Variants in SYT16 observed in about 807,000 individuals in gnomAD.
SYT16 encodes synaptotagmin 16, also known as synaptotagmin-16.
Under a neutral mutation model 61.4 loss-of-function variants are expected in SYT16, and 42 were observed. That is an observed-to-expected ratio of 0.68 (90% CI 0.53 to 0.89). The LOEUF (loss-of-function observed/expected upper bound fraction) is 0.89. Ranked by LOEUF, SYT16 falls within the 40% of genes least tolerant of loss-of-function variation. The pLI is 0.00. For synonymous variants in SYT16, 314 were observed against 302.3 expected, an observed-to-expected ratio of 1.04 and a Z score of -0.40; for missense variants, 804 against 807.3, an observed-to-expected ratio of 1.00 and a Z score of 0.05.
chr14:61,922,667 T>C (rs1280588586), intron 1 of SYT16, among the ~76,000 whole-genome samples: 3 of 152,174 alleles, frequency 2.0e-5, no homozygotes, highest in African/African-American at 7.2e-5. Flanking sequence ...TACAAACTTG[T>C]ACATGTGCCC....
chr14:62,074,337 T>G (rs1199452574), intron 4 of SYT16, among the ~76,000 whole-genome samples: 2 of 152,074 alleles, frequency 1.3e-5, no homozygotes, highest in African/African-American at 2.4e-5. Context: ...CAGGGAGGGT[T>G]TGAGGGGCAC....
chr14:61,995,544 G>A (rs140312556), intron 2 of SYT16, among the ~76,000 whole-genome samples: 16 of 151,994 alleles, frequency 1.1e-4, no homozygotes, highest in South Asian at 4.2e-4. Flanking sequence ...CCTTTTTTGC[G>A]TTTTGAAATG....
At chr14:61,944,366 G>A (rs529190732) in intron 1 of SYT16, among the ~76,000 whole-genome samples, 1 of 151,980 alleles carries the variant, frequency 6.6e-6, no homozygotes, top group Admixed American at 6.6e-5. Context: ...CTTTCTTCAC[G>A]GAATTAGAAA....
chr14:61,979,502 C>T lies in SYT16; in HGVS notation c.-145+9191C>T, dbSNP rs181836527. ...GCAGTGGCTTCCTTTTAGGCATGGC[C>T]TACTCAGATGAATCTTAAGTGAATC... On this transcript the variant is annotated intron_variant, in intron 2 of 7. Coordinates refer to ENST00000683842, the MANE Select transcript of SYT16 (RefSeq NM_001367656.1). Among the ~76,000 whole-genome samples the T allele has an allele frequency of 2.6e-5, 4 of 152,214 alleles. No homozygotes were observed. In the East Asian group the frequency reaches 7.7e-4, roughly 29 times the overall value.
At chr14:61,905,224 C>A (rs1378202005) in intron 1 of SYT16, among the ~76,000 whole-genome samples, 1 of 152,210 alleles carries the variant, frequency 6.6e-6, no homozygotes, top group East Asian at 1.9e-4. Context: ...AGCTTAAAAT[C>A]ATGATTTCTG....
intron 3 of SYT16, among the ~76,000 whole-genome samples, chr14:62,037,624 A>G (rs2054562263): frequency 6.6e-6 from 1 of 151,026 alleles, no homozygotes; most frequent in African/African-American, 2.5e-5. Flanking sequence ...TCATGTTTTA[A>G]TTATTAATGT....
chr14:61,927,905 A>G (rs1258219333), intron 1 of SYT16, among the ~76,000 whole-genome samples: 3 of 152,044 alleles, frequency 2.0e-5, no homozygotes, highest in Non-Finnish European at 1.5e-5. Context: ...AATTGAATCA[A>G]CTTTCTCAAG....
intron 6 of SYT16, among the ~76,000 whole-genome samples, chr14:62,083,417 T>G (rs988324823): frequency 3.9e-5 from 6 of 152,076 alleles, no homozygotes; most frequent in African/African-American, 1.4e-4. Flanking sequence ...GGACAATCAG[T>G]GTCCTTCTCA....
rs562806742 is a variant in SYT16 at position 61,932,310 on chromosome 14, A to G, written c.-324-37822A>G. Among the ~76,000 whole-genome samples the G allele has an allele frequency of 3.8e-3, 580 of 152,244 alleles. 4 individuals are homozygous for G. The highest frequency in any genetic ancestry group is 0.013 in the African/African-American group (560 of 41,548). On this transcript the variant is annotated intron_variant, in intron 1 of 7. Transcript: ENST00000683842. ...TTACAGGCTTCTGATTTCTGATAGG[A>G]GTCTGTGTTAGTCTGTTTTCACACT...
chr14:61,986,525 A>G lies in SYT16; in HGVS notation c.-144-9351A>G, dbSNP rs1421437014. On this transcript the variant is annotated intron_variant, in intron 2 of 7. Transcript: ENST00000683842. ...ATGCAGGTTTGTTACATATGTATAC[A>G]TGTGCCATGTTGGTGTGCTGCACCC... Among the ~76,000 whole-genome samples, 7 of 151,732 alleles carry G rather than the reference A, an allele frequency of 4.6e-5. No homozygotes were observed. In the East Asian group the frequency reaches 7.7e-4, roughly 17 times the overall value.
At position 62,106,241 on chromosome 14, in the gene SYT16, T is replaced by C. The variant is rs2057510583; in HGVS notation, c.*5534T>C. 1 of 152,248 alleles carries C rather than the reference T, an allele frequency of 6.6e-6. No homozygotes were observed. Among genetic ancestry groups the C allele is most frequent in the Admixed American group, 6.5e-5 (1 of 15,284 alleles). 9.4% of individuals were successfully genotyped at this position (152,248 alleles called of 1,614,324 possible). A position where few individuals can be genotyped will look rare whatever the true frequency, so the allele number is the denominator to read the frequency against. On this transcript the variant is annotated 3_prime_UTR_variant, in exon 8 of 8. Coordinates refer to ENST00000683842, the MANE Select transcript of SYT16 (RefSeq NM_001367656.1). ...ACATTGAAGCAGTTGGTCATCATTA[T>C]ACAATGATGCTTACCAATATACAAC...
rs201372473 is a variant in SYT16, at chr14:62,100,455, G to A, written c.1686G>A (p.Thr562=). 4.7e-5 allele frequency: 76 copies of A among 1,613,218 alleles called. 1 individual carries two copies. In the East Asian group the frequency reaches 1.5e-3, roughly 33 times the overall value. ...GTCAAGAGATGTCCCGTTGCAAGAC[G>A]TCCATTCGGCGTGGTCAGCCCAATC... The part of the protein sequence containing the change: ...SVGQEMSRCK[T]SIRRGQPNPV... Residue 562 remains threonine (T), a synonymous_variant, in exon 8 of 8, where the codon ACG becomes ACA. Coordinates refer to ENST00000683842, the MANE Select transcript of SYT16 (RefSeq NM_001367656.1).
rs1265116276 is a variant in SYT16, at chr14:61,994,802, A to G, written c.-144-1074A>G. ...TGTGCCAGCATTTAATAGATAATCA[A>G]TATTTGTTTATTGAATAAGTCAATG... On this transcript the variant is annotated intron_variant, in intron 2 of 7. Transcript: ENST00000683842. Among the ~76,000 whole-genome samples the G allele has an allele frequency of 3.3e-5, 5 of 152,326 alleles. No individual in the cohort carries two copies. The East Asian group carries it at 7.7e-4, about 23-fold the overall frequency.
intron 1 of SYT16, among the ~76,000 whole-genome samples, chr14:61,869,667 T>C (rs1426116916): frequency 6.6e-6 from 1 of 152,218 alleles, no homozygotes; most frequent in Non-Finnish European, 1.5e-5. Context: ...CCCAATGTGA[T>C]GGCATTTGTA....
At chr14:62,056,861 C>T (rs1330796017) in intron 3 of SYT16, among the ~76,000 whole-genome samples, 1 of 152,224 alleles carries the variant, frequency 6.6e-6, no homozygotes, top group East Asian at 1.9e-4. Flanking sequence ...GTTCTGACGG[C>T]GTCGGAGGAC....
intron 1 of SYT16, among the ~76,000 whole-genome samples, chr14:61,886,753 C>T (rs1158428873): frequency 1.3e-5 from 2 of 152,138 alleles, no homozygotes; most frequent in African/African-American, 2.4e-5. Context: ...ATATTTTGGC[C>T]TCCTCCCATG....
intron 3 of SYT16, among the ~76,000 whole-genome samples, chr14:62,005,121 T>G (rs1382666837): frequency 1.3e-5 from 2 of 152,096 alleles, no homozygotes; most frequent in Admixed American, 1.3e-4. Flanking sequence ...CATTACAGAT[T>G]GGTGAGGATG....
chr14:61,827,096 A>G (rs990021865), intron 1 of SYT16, among the ~76,000 whole-genome samples: 1 of 152,178 alleles, frequency 6.6e-6, no homozygotes, highest in Non-Finnish European at 1.5e-5. Flanking sequence ...GGGCCTCAAC[A>G]TATGAATTTT....
chr14:61,868,752 TA>T (rs2047238284), intron 1 of SYT16, among the ~76,000 whole-genome samples: 1 of 152,058 alleles, frequency 6.6e-6, no homozygotes, highest in Non-Finnish European at 1.5e-5. Flanking sequence ...GTTCACTTTA[TA>T]AGAATATTTT....
Sources: gnomAD v4.1 joint callset for allele counts (sites outside exome capture counted in the v4.1 genomes callset) on GRCh38, gnomAD v4.1.1 for gene constraint, MANE v1.5 for transcripts, NCBI Gene and HGNC (gene_info 2026-07-23, HGNC 2026-07-21) for gene names.